The following CLSTN2 variants were observed in gnomAD, a reference collection of about 807,000 sequenced individuals.
The protein encoded by CLSTN2 is calsyntenin-2.
Under a neutral mutation model 101.2 loss-of-function variants are expected in CLSTN2, and 48 were observed. That is an observed-to-expected ratio of 0.47 (90% CI 0.38 to 0.60). The LOEUF (loss-of-function observed/expected upper bound fraction) is 0.60. Ranked by LOEUF, CLSTN2 falls within the 20% of genes least tolerant of loss-of-function variation. The probability of loss-of-function intolerance (pLI) is 0.00; values close to 1 mark genes in which losing one functional copy is unlikely to be tolerated. For missense variants in CLSTN2, 1,160 were observed against 1,238.2 expected (o/e 0.94, Z 0.95); for synonymous variants, 481 against 463.6 (o/e 1.04, Z -0.48).
chr3:140,502,081 C>T (rs370378708), intron 8 of CLSTN2, among the ~76,000 whole-genome samples: 4 of 152,062 alleles, frequency 2.6e-5, no homozygotes, highest in South Asian at 4.1e-4. Context: ...AGATCTTAGC[C>T]CAGGGTATGG....
intron 2 of CLSTN2, among the ~76,000 whole-genome samples, chr3:140,338,524 C>T (rs974998699): frequency 2.0e-5 from 3 of 152,060 alleles, no homozygotes; most frequent in African/African-American, 7.3e-5. Context: ...ACAAGGGTGG[C>T]AGAAGGAATG....
At chr3:139,957,238 G>A (rs919415401) in intron 1 of CLSTN2, among the ~76,000 whole-genome samples, 5 of 151,872 alleles carry the variant, frequency 3.3e-5, no homozygotes, top group African/African-American at 1.2e-4. Context: ...CTGACACTTC[G>A]AGCTCAGGAA....
intron 1 of CLSTN2, among the ~76,000 whole-genome samples, chr3:140,099,154 C>T (rs1469199236): frequency 6.6e-6 from 1 of 152,184 alleles, no homozygotes; most frequent in African/African-American, 2.4e-5. Context: ...TAGTTGTCAG[C>T]TTTTAAGGAG....
chr3:140,261,102 C>A (rs2086650318), intron 2 of CLSTN2, among the ~76,000 whole-genome samples: 1 of 152,026 alleles, frequency 6.6e-6, no homozygotes, highest in Non-Finnish European at 1.5e-5. Flanking sequence ...TTTTCCCTGC[C>A]CTCTTTTCTT....
intron 2 of CLSTN2, among the ~76,000 whole-genome samples, chr3:140,395,483 T>C (rs2088171243): frequency 6.6e-6 from 1 of 152,102 alleles, no homozygotes; most frequent in African/African-American, 2.4e-5. Context: ...CCACCCAAGG[T>C]CACACAGCTG....
At chr3:140,395,256 T>C (rs1358637580) in intron 2 of CLSTN2, among the ~76,000 whole-genome samples, 1 of 152,166 alleles carries the variant, frequency 6.6e-6, no homozygotes, top group African/African-American at 2.4e-5. Context: ...CCCCTCCCCC[T>C]GCTTTGGTTG....
intron 1 of CLSTN2, among the ~76,000 whole-genome samples, chr3:140,047,250 T>A (rs137963344): frequency 6.6e-6 from 1 of 152,306 alleles, no homozygotes; most frequent in East Asian, 1.9e-4. Flanking sequence ...GTAGTCAATT[T>A]TGTGTATCTT....
At chr3:140,106,819 AAAGC>A (rs1186985869) in intron 1 of CLSTN2, among the ~76,000 whole-genome samples, 2 of 152,232 alleles carry the variant, frequency 1.3e-5, no homozygotes, top group Non-Finnish European at 2.9e-5. Context: ...TTAAATTATA[AAAGC>A]ATGCTAATTA....
At chr3:139,954,001 G>A (rs1935344011) in intron 1 of CLSTN2, among the ~76,000 whole-genome samples, 1 of 150,532 alleles carries the variant, frequency 6.6e-6, no homozygotes, top group Admixed American at 6.7e-5. Context: ...GGGTTCAGGG[G>A]GAACATGTTG....
At chr3:140,484,406 T>G (rs1430972545) in intron 8 of CLSTN2, among the ~76,000 whole-genome samples, 1 of 152,212 alleles carries the variant, frequency 6.6e-6, no homozygotes, top group Non-Finnish European at 1.5e-5. Context: ...ATTTTTTCCT[T>G]CATTTCAACT....
intron 5 of CLSTN2, among the ~76,000 whole-genome samples, chr3:140,425,164 T>G (rs1175624145): frequency 6.6e-6 from 1 of 152,076 alleles, no homozygotes; most frequent in African/African-American, 2.4e-5. Flanking sequence ...ACGCAAGAGC[T>G]CCCACCTCCC....
At chr3:140,107,719 T>C (rs975564633) in intron 1 of CLSTN2, among the ~76,000 whole-genome samples, 2 of 152,168 alleles carry the variant, frequency 1.3e-5, no homozygotes, top group Admixed American at 6.5e-5. Context: ...CCTCTCCACC[T>C]TGGGGCTGAA....
At chr3:140,129,537 A>C (rs1363560437) in intron 1 of CLSTN2, among the ~76,000 whole-genome samples, 1 of 152,126 alleles carries the variant, frequency 6.6e-6, no homozygotes, top group African/African-American at 2.4e-5. Context: ...CATTGCATGC[A>C]AAGTGTCTAG....
At chr3:140,039,579 A>T (rs2007722581) in intron 1 of CLSTN2, among the ~76,000 whole-genome samples, 1 of 152,212 alleles carries the variant, frequency 6.6e-6, no homozygotes, top group Middle Eastern at 3.2e-3. Context: ...CATGCATGAC[A>T]TTCCTACAAC....
chr3:140,269,608 G>A (rs2086723365), intron 2 of CLSTN2, among the ~76,000 whole-genome samples: 1 of 152,134 alleles, frequency 6.6e-6, no homozygotes, highest in African/African-American at 2.4e-5. Flanking sequence ...AGCCCCTTCT[G>A]GAAAGAAAAG....
At chr3:140,409,144 G>T (rs1238084994) in intron 4 of CLSTN2, among the ~76,000 whole-genome samples, 1 of 152,224 alleles carries the variant, frequency 6.6e-6, no homozygotes, top group Non-Finnish European at 1.5e-5. Context: ...TTGCACATAT[G>T]TATACCATGA....
At chr3:139,999,473 T>A (rs1169144761) in intron 1 of CLSTN2, among the ~76,000 whole-genome samples, 1 of 151,968 alleles carries the variant, frequency 6.6e-6, no homozygotes, top group Non-Finnish European at 1.5e-5. Context: ...GCCTCATACC[T>A]CAACGCTCTT....
At chr3:139,992,877 C>T (rs1316957011) in intron 1 of CLSTN2, among the ~76,000 whole-genome samples, 2 of 152,166 alleles carry the variant, frequency 1.3e-5, no homozygotes, top group African/African-American at 2.4e-5. Context: ...TCCTCTCTTC[C>T]TCCACTTCCC....
In CLSTN2 at chr3:140,123,819, T is replaced by C. The variant is rs569835365; in HGVS notation, c.110-52132T>C. 5.0e-4 allele frequency among the ~76,000 whole-genome samples: 68 copies of C among 136,796 alleles called. 1 individual carries two copies. Among genetic ancestry groups the C allele is most frequent in the African/African-American group, 1.4e-3 (50 of 35,830 alleles). The allele number at this position is 136,796 out of a possible 152,430, so 89.7% of individuals were successfully genotyped here. On this transcript the variant is annotated intron_variant, in intron 1 of 16. Coordinates refer to ENST00000458420, the MANE Select transcript of CLSTN2 (RefSeq NM_022131.3). ...AGATGGAGACATATATATATATATA[T>C]ACACATATATATGTATGTATATGTG... is the stretch of plus-strand genomic sequence containing the variant.
Sources: allele counts gnomAD v4.1 joint callset (sites outside exome capture counted in the v4.1 genomes callset), GRCh38; gene constraint gnomAD v4.1.1; transcripts MANE v1.5; gene names NCBI Gene and HGNC (gene_info 2026-07-23, HGNC 2026-07-21).